ERFE: variants seen among roughly 807,000 people sequenced by gnomAD.
The protein encoded by ERFE is complement C1q tumor necrosis factor-related protein 15.
Under a neutral mutation model 26.6 loss-of-function variants are expected in ERFE, and 25 were observed. That is an observed-to-expected ratio of 0.94 (90% CI 0.69 to 1.31). The LOEUF is 1.31. ERFE is among the 40% of genes most tolerant of loss of function. ERFE has a pLI of 0.00. For synonymous variants in ERFE, 206 were observed against 204.5 expected (o/e 1.01, Z -0.06); for missense variants, 447 against 440.2 (o/e 1.02, Z -0.14).
At position 238,167,160 on chromosome 2, in the gene ERFE, C is replaced by T. The variant is rs548291026; in HGVS notation, c.*106C>T. ...GGCCACATGGAGGAGGAGGCCCACC[C>T]GGAACTCTGCCCACACTGGCCACTG... On this transcript the variant is annotated 3_prime_UTR_variant, in exon 8 of 8. Transcript: ENST00000546354. 5.5e-5 allele frequency: 66 copies of T among 1,205,332 alleles called. No homozygotes were observed. The South Asian group carries it at 6.5e-4, about 12-fold the overall frequency. 74.7% of individuals were successfully genotyped at this position (1,205,332 alleles called of 1,614,324 possible).
At chr2:238,166,780 G>A (rs1460712535) in intron 7 of ERFE, among the ~76,000 whole-genome samples, 176 bp from the exon 8 acceptor site, 1 of 152,254 alleles carries the variant, frequency 6.6e-6, no homozygotes, top group Non-Finnish European at 1.5e-5. Context: ...TGCTGGGTGG[G>A]GCCCAACCCG....
rs549750161 is a variant in ERFE, at chr2:238,164,858, C to CA, written c.887+501dup. ...AGAGCGAGACTCCGTCTCAAAAAAACAAACAACAACAACAAAAAAAAACCT... is the reference window on the plus strand; with the variant it reads ...AGAGCGAGACTCCGTCTCAAAAAAACAAAACAACAACAACAAAAAAAAACCT... On this transcript the variant is annotated intron_variant, in intron 6 of 7. Transcript: ENST00000546354. 245 of 158,282 alleles carry CA rather than the reference C, an allele frequency of 1.5e-3. 6 individuals carry two copies. The South Asian group carries it at 0.033, about 22-fold the overall frequency. 9.8% of individuals were successfully genotyped at this position (158,282 alleles called of 1,614,324 possible).
intron 7 of ERFE, 26 bp from the exon 8 acceptor site, chr2:238,166,930 G>C: frequency 6.5e-7 from 1 of 1,545,950 alleles, no homozygotes; most frequent in Non-Finnish European, 8.7e-7. Context: ...GGGTGGCCCA[G>C]TGCCTCAAAG....
At position 238,168,348 on chromosome 2, in the gene ERFE, C is replaced by T. The variant is rs1693081795; in HGVS notation, c.*1294C>T. 2.1e-6 allele frequency: 1 copy of T among 468,528 alleles called. No individual in the cohort carries two copies. The highest frequency in any genetic ancestry group is 2.4e-5 in the Admixed American group (1 of 42,196). The allele number at this position is 468,528 out of a possible 1,614,324, so 29.0% of individuals were successfully genotyped here. A position where few individuals can be genotyped will look rare whatever the true frequency, so the allele number is the denominator to read the frequency against. Reference sequence around the variant, plus strand: ...CTCCTACCTGCTGAGGAAGAGTTAACCCACTGCCTCCCCACACAACAGGCT... The same window carrying T: ...CTCCTACCTGCTGAGGAAGAGTTAATCCACTGCCTCCCCACACAACAGGCT... On this transcript the variant is annotated 3_prime_UTR_variant, in exon 8 of 8. Coordinates refer to ENST00000546354, the MANE Select transcript of ERFE (RefSeq NM_001291832.2).
intron 6 of ERFE, among the ~76,000 whole-genome samples, 165 bp from the exon 7 acceptor site, chr2:238,165,441 T>C (rs1693018832): frequency 6.6e-6 from 1 of 152,226 alleles, no homozygotes; most frequent in African/African-American, 2.4e-5. Context: ...CCCTGTGTCC[T>C]TCCTCCTCTT....
chr2:238,164,219 T>A lies in ERFE; in HGVS notation c.796+36T>A. 2.8e-6 allele frequency: 4 copies of A among 1,433,300 alleles called. No homozygotes were observed. The African/African-American group carries it at 4.5e-5, about 16-fold the overall frequency. 88.8% of individuals were successfully genotyped at this position (1,433,300 alleles called of 1,614,324 possible). On this transcript the variant is annotated intron_variant, in intron 5 of 7. Transcript: ENST00000546354. ...GGGCGTGGGAGGATCGCCCGCTCTG[T>A]CGCCCACCCCGCCGCCCGCCCGCTT... is the stretch of plus-strand genomic sequence containing the variant.
At chr2:238,159,413 G>A (rs1460126025) in intron 1 of ERFE, among the ~76,000 whole-genome samples, 1 of 152,156 alleles carries the variant, frequency 6.6e-6, no homozygotes, top group Non-Finnish European at 1.5e-5. Context: ...TGGCTTTGGG[G>A]TAGTTTGACT....
In ERFE at chr2:238,167,147, G is replaced by T. The variant is rs1335836687; in HGVS notation, c.*93G>T. 1.5e-6 allele frequency: 2 copies of T among 1,304,438 alleles called. No homozygotes were observed. The highest frequency in any genetic ancestry group is 2.5e-5 in the South Asian group (2 of 79,456). The allele number at this position is 1,304,438 out of a possible 1,614,324, so 80.8% of individuals were successfully genotyped here. ...TCAGAGTAGCAGTGGCCACATGGAG[G>T]AGGAGGCCCACCCGGAACTCTGCCC... On this transcript the variant is annotated 3_prime_UTR_variant, in exon 8 of 8. Coordinates refer to ENST00000546354, the MANE Select transcript of ERFE (RefSeq NM_001291832.2).
intron 7 of ERFE, among the ~76,000 whole-genome samples, chr2:238,166,118 C>G (rs1207085648): frequency 6.6e-6 from 1 of 152,228 alleles, no homozygotes; most frequent in Admixed American, 6.5e-5. Flanking sequence ...TTTTCCTACC[C>G]AAAACCCTAA....
In ERFE at chr2:238,162,775, G is replaced by A; in HGVS notation, c.361G>A (p.Gly121Ser). Residue 121 changes from glycine to serine, a missense_variant, in exon 3 of 8, where the codon GGC becomes AGC. By Grantham distance (56) the Gly-to-Ser change is moderately conservative (BLOSUM62 0). Coordinates refer to ENST00000546354, the MANE Select transcript of ERFE (RefSeq NM_001291832.2). ...PGPPGPPGPQ[G>S]PPGPIIPPEA... is the part of the protein sequence containing the mutation. ...GCCCCCTGGGCCTCCCGGTCCCCAG[G>A]GCCCCCCAGGCCCCATCATCCCACC... is the stretch of plus-strand genomic sequence containing the variant. The A allele has an allele frequency of 1.3e-6, 2 of 1,550,254 alleles. No homozygotes were observed. The highest frequency in any genetic ancestry group is 1.2e-5 in the South Asian group (1 of 84,040).
rs1433632010 is a variant in ERFE, at chr2:238,164,303, G to C, written c.830G>C (p.Arg277Pro). Reference protein sequence around the residue: ...LGEPPRRGPPRPRDHLRLLIC... With the variant: ...LGEPPRRGPPPPRDHLRLLIC... ...GAGCCGCCGAGGAGGGGGCCGCCGCGCCCCCGGGACCACCTGCGCCTGCTC... is the reference window on the plus strand; with the variant it reads ...GAGCCGCCGAGGAGGGGGCCGCCGCCCCCCCGGGACCACCTGCGCCTGCTC... The change falls in exon 6 of 8, where the codon CGC becomes CCC. Residue 277 changes from arginine to proline, a missense_variant. By Grantham distance (103) the Arg-to-Pro change is moderately radical (BLOSUM62 -2). Transcript: ENST00000546354. 6.6e-7 allele frequency: 1 copy of C among 1,517,642 alleles called. No homozygotes were observed. Among genetic ancestry groups the C allele is most frequent in the Non-Finnish European group, 8.8e-7 (1 of 1,137,244 alleles). The allele number at this position is 1,517,642 out of a possible 1,614,324, so 94.0% of individuals were successfully genotyped here. A position where few individuals can be genotyped will look rare whatever the true frequency, so the allele number is the denominator to read the frequency against.
At position 238,162,804 on chromosome 2, in the gene ERFE, G is replaced by C. The variant is rs763642770; in HGVS notation, c.390G>C (p.Glu130Asp). 27 of 1,550,332 alleles carry C rather than the reference G, an allele frequency of 1.7e-5. No individual in the cohort carries two copies. The highest frequency in any genetic ancestry group is 7.0e-6 in the Non-Finnish European group (8 of 1,146,944). The part of the protein sequence containing the change: ...QGPPGPIIPP[E>D]ALLKEFQLLL... ...CCCCAGGCCCCATCATCCCACCCGA[G>C]GCGCTGCTGAAGGAGTTCCAGCTGC... The change falls in exon 3 of 8, where the codon GAG becomes GAC. Residue 130 changes from glutamate to aspartate, a missense_variant. Transcript: ENST00000546354.
At chr2:238,161,857 C>A in intron 2 of ERFE, 141 bp downstream of exon 2, 2 of 1,243,790 alleles carry the variant, frequency 1.6e-6, no homozygotes, top group Non-Finnish European at 2.1e-6. Context: ...AGAGAGAACC[C>A]AGGCAGCCCC....
In ERFE at chr2:238,162,758, G is replaced by A; in HGVS notation, c.344G>A (p.Gly115Glu). ...KLKFGLPGPP[G>E]PPGPQGPPGP... The stretch of plus-strand genomic sequence containing the variant: ...CAGTTCGGCTTGCCAGGGCCCCCTG[G>A]GCCTCCCGGTCCCCAGGGCCCCCCA... Residue 115 changes from glycine to glutamate, a missense_variant, in exon 3 of 8, where the codon GGG (glycine) becomes GAG (glutamate). By Grantham distance (98) the Gly-to-Glu change is moderately conservative (BLOSUM62 -2). Transcript: ENST00000546354. 1 of 1,549,776 alleles carries A rather than the reference G, an allele frequency of 6.5e-7. No homozygotes were observed. Among genetic ancestry groups the A allele is most frequent in the South Asian group, 1.2e-5 (1 of 84,040 alleles).
chr2:238,163,599 C>A, intron 3 of ERFE, 138 bp from the exon 4 acceptor site: 2 of 1,062,184 alleles, frequency 1.9e-6, no homozygotes, highest in Non-Finnish European at 2.4e-6. Context: ...GCCCTTCAGG[C>A]CGAGGGGACG....
At position 238,168,209 on chromosome 2, in the gene ERFE, G is replaced by A. The variant is rs960773025; in HGVS notation, c.*1155G>A. 9 of 354,550 alleles carry A rather than the reference G, an allele frequency of 2.5e-5. No individual in the cohort carries two copies. The highest frequency in any genetic ancestry group is 5.2e-5 in the Non-Finnish European group (9 of 172,722). The allele number at this position is 354,550 out of a possible 1,614,324, so 22.0% of individuals were successfully genotyped here. Reference sequence around the variant, plus strand: ...ACGGCAGCTCTCATGAGGACACACAGGCTGTGAGCCCGCAGCCTCCTCAAA... The same window carrying A: ...ACGGCAGCTCTCATGAGGACACACAAGCTGTGAGCCCGCAGCCTCCTCAAA... On this transcript the variant is annotated 3_prime_UTR_variant, in exon 8 of 8. Coordinates refer to ENST00000546354, the MANE Select transcript of ERFE (RefSeq NM_001291832.2).
At chr2:238,160,862 A>G (rs1456501000) in intron 1 of ERFE, among the ~76,000 whole-genome samples, 3 of 152,176 alleles carry the variant, frequency 2.0e-5, no homozygotes, top group Non-Finnish European at 2.9e-5. Flanking sequence ...CCTGGAGCCC[A>G]GATAGCCCAA....
chr2:238,164,486 C>CA, intron 6 of ERFE, 126 bp downstream of exon 6: 1 of 851,456 alleles, frequency 1.2e-6, no homozygotes, highest in Admixed American at 2.3e-5. Context: ...GGTGACCCCA[C>CA]ACCTTCTTCC....
At chr2:238,160,160 C>T (rs72989053) in intron 1 of ERFE, among the ~76,000 whole-genome samples, 4,400 of 152,316 alleles carry the variant, frequency 0.029, 97 homozygotes, top group Middle Eastern at 0.071. Context: ...GGAGTTTTGG[C>T]CTTGGACCCT....
Sources: allele counts gnomAD v4.1 joint callset (sites outside exome capture counted in the v4.1 genomes callset), GRCh38; gene constraint gnomAD v4.1.1; transcripts MANE v1.5; gene names NCBI Gene and HGNC (gene_info 2026-07-23, HGNC 2026-07-21).